Variants in PAK5 observed in about 807,000 individuals in gnomAD.
PAK5 encodes p21 (RAC1) activated kinase 5.
A neutral mutation model predicts 65.9 loss-of-function variants in PAK5; 16 were observed. The observed-to-expected ratio is 0.24, with a 90% CI of 0.16 to 0.37. The LOEUF is 0.37. PAK5 is among the 10% of genes least tolerant of loss of function. The pLI, the probability that PAK5 is intolerant of heterozygous loss-of-function variation, is 1.00. For synonymous variants in PAK5, 371 were observed against 354.9 expected, an observed-to-expected ratio of 1.05 and a Z score of -0.51; for missense variants, 785 against 903.9, an observed-to-expected ratio of 0.87 and a Z score of 1.69.
chr20:9,675,048 TA>T (rs1299728537), intron 2 of PAK5, among the ~76,000 whole-genome samples: 1 of 152,162 alleles, frequency 6.6e-6, no homozygotes, highest in Non-Finnish European at 1.5e-5. Flanking sequence ...CAATTCCTCC[TA>T]AATAGGAACT....
rs1183848292 is a variant in PAK5, at chr20:9,748,599, G to T, written c.-161-37164C>A. Among the ~76,000 whole-genome samples the T allele has an allele frequency of 3.2e-4, 48 of 152,016 alleles. 1 individual carries two copies. Among genetic ancestry groups the T allele is most frequent in the Non-Finnish European group, 3.2e-4 (22 of 67,996 alleles). ...AAATGTACTCTTCAAATTGACATAT[G>T]GCTTACTACAATATATACAACATAC... On this transcript the variant is annotated intron_variant, in intron 1 of 9. Transcript: ENST00000353224.
At chr20:9,679,608 C>T (rs1484952040) in intron 2 of PAK5, among the ~76,000 whole-genome samples, 1 of 152,024 alleles carries the variant, frequency 6.6e-6, no homozygotes, top group Non-Finnish European at 1.5e-5. Flanking sequence ...GGTTATTTTC[C>T]TGGGAACAAC....
rs145380335 is a variant in PAK5, at chr20:9,545,025, G to T, written c.1744-531C>A. Among the ~76,000 whole-genome samples the T allele has an allele frequency of 7.2e-5, 11 of 152,240 alleles. No homozygotes were observed. The East Asian group carries it at 1.7e-3, about 24-fold the overall frequency. ...CTTTGCTTATCCAGGATGTGGAAAT[G>T]TCACTTTTAGTACTGGATACCCTTC... On this transcript the variant is annotated intron_variant, in intron 7 of 9. Coordinates refer to ENST00000353224, the MANE Select transcript of PAK5 (RefSeq NM_177990.4).
At chr20:9,787,841 C>A (rs907668116) in intron 1 of PAK5, among the ~76,000 whole-genome samples, 3 of 151,950 alleles carry the variant, frequency 2.0e-5, no homozygotes, top group African/African-American at 7.3e-5. Context: ...TAGTAAAATG[C>A]AGTAAAATAA....
intron 1 of PAK5, among the ~76,000 whole-genome samples, chr20:9,824,914 C>T (rs986032900): frequency 1.3e-5 from 2 of 152,104 alleles, no homozygotes; most frequent in Non-Finnish European, 2.9e-5. Flanking sequence ...CTGAAGTAAG[C>T]AGAATAGTAC....
At chr20:9,823,826 A>G (rs767109577) in intron 1 of PAK5, among the ~76,000 whole-genome samples, 31 of 152,314 alleles carry the variant, frequency 2.0e-4, no homozygotes, top group Admixed American at 3.9e-4. Flanking sequence ...TGGGGGGGAA[A>G]TCCTAACTAA....
At position 9,727,825 on chromosome 20, in the gene PAK5, T is replaced by A. The variant is rs182487536; in HGVS notation, c.-161-16390A>T. 3.6e-3 allele frequency among the ~76,000 whole-genome samples: 548 copies of A among 152,314 alleles called. 5 individuals are homozygous for A. The highest frequency in any genetic ancestry group is 0.012 in the African/African-American group (515 of 41,552). On this transcript the variant is annotated intron_variant, in intron 1 of 9. Coordinates refer to ENST00000353224, the MANE Select transcript of PAK5 (RefSeq NM_177990.4). ...GGGCTCCTGCATGTTGGTTTCCGTG[T>A]CCTGTGTACATGTTCTTATTATTTT...
At chr20:9,638,902 G>A (rs146039559) in intron 3 of PAK5, among the ~76,000 whole-genome samples, 112 of 152,254 alleles carry the variant, frequency 7.4e-4, no homozygotes, top group African/African-American at 2.6e-3. Flanking sequence ...CAACATCAGG[G>A]GCGACACACT....
Position 9,566,253 on chromosome 20 carries a change from C to A in PAK5, c.1122G>T (p.Pro374=), listed in dbSNP as rs185081269. The A allele has an allele frequency of 6.2e-7, 1 of 1,613,550 alleles. No homozygotes were observed. The highest frequency in any genetic ancestry group is 1.3e-5 in the African/African-American group (1 of 74,842). Residue 374 remains proline, a synonymous_variant, in exon 5 of 10, where the codon CCG becomes CCT. Coordinates refer to ENST00000353224, the MANE Select transcript of PAK5 (RefSeq NM_177990.4). ...SGYSSSSHQY[P]SGYHKATLYH... The stretch of plus-strand genomic sequence containing the variant: ...ACAAGGTGGCTTTGTGGTACCCAGA[C>A]GGGTACTGGTGACTGCTTGAGGAAT...
In PAK5 at chr20:9,644,170, C is replaced by T; in HGVS notation, c.159G>A (p.Met53Ile). Reference protein sequence around the residue: ...LADTANRPKPMVDPSCITPIQ... With the variant: ...LADTANRPKPIVDPSCITPIQ... ...TGGGTGTGATGCATGAAGGGTCCACCATAGGCTTTGGCCTGTTGGCCGTAT... is the reference window on the plus strand; with the variant it reads ...TGGGTGTGATGCATGAAGGGTCCACTATAGGCTTTGGCCTGTTGGCCGTAT... The change falls in exon 3 of 10, where the codon ATG (methionine) becomes ATA (isoleucine). Residue 53 changes from methionine to isoleucine, a missense_variant. Physicochemically the swap from Met to Ile is conservative, Grantham distance 10. This residue lies in a region of PAK5 where 71 missense variants were observed against 110.2 expected (regional missense o/e 0.64). Coordinates refer to ENST00000353224, the MANE Select transcript of PAK5 (RefSeq NM_177990.4). The T allele has an allele frequency of 1.2e-6, 2 of 1,612,602 alleles. No individual in the cohort carries two copies. The highest frequency in any genetic ancestry group is 1.7e-6 in the Non-Finnish European group (2 of 1,179,618).
chr20:9,747,279 C>T (rs2048519524), intron 1 of PAK5, among the ~76,000 whole-genome samples: 1 of 152,134 alleles, frequency 6.6e-6, no homozygotes, highest in African/African-American at 2.4e-5. Flanking sequence ...GGTACCATTC[C>T]TTCTGAAACT....
chr20:9,710,915 C>A (rs75715997), intron 2 of PAK5, among the ~76,000 whole-genome samples: 3 of 152,118 alleles, frequency 2.0e-5, no homozygotes, highest in Non-Finnish European at 2.9e-5. Flanking sequence ...ATCTTCAAAC[C>A]CTACTTGGCT....
intron 1 of PAK5, among the ~76,000 whole-genome samples, chr20:9,775,289 G>A (rs1239141397): frequency 2.6e-5 from 4 of 152,090 alleles, no homozygotes; most frequent in Admixed American, 6.5e-5. Context: ...GAGCTGCGTC[G>A]GTAGACTCAC....
chr20:9,782,663 C>T (rs2048952972), intron 1 of PAK5, among the ~76,000 whole-genome samples: 2 of 152,086 alleles, frequency 1.3e-5, no homozygotes, highest in Admixed American at 1.3e-4. Context: ...TCATTAAACT[C>T]GTCTTTTCTG....
rs1401483061 is a variant in PAK5, at chr20:9,566,092, G to A, written c.1283C>T (p.Ser428Phe). ...SSSDQQPSRV[S>F]HEQFRAALQL... ...CAGGGCCGCCCGAAACTGTTCATGG[G>A]ACACCCTGGAGGGCTGCTGGTCGGA... Residue 428 changes from serine to phenylalanine, a missense_variant, in exon 5 of 10, where the codon TCC becomes TTC. Ser to Phe is a radical substitution (Grantham distance 155, BLOSUM62 -2). Coordinates refer to ENST00000353224, the MANE Select transcript of PAK5 (RefSeq NM_177990.4). 2 of 1,613,988 alleles carry A rather than the reference G, an allele frequency of 1.2e-6. No individual in the cohort carries two copies. Among genetic ancestry groups the A allele is most frequent in the Non-Finnish European group, 1.7e-6 (2 of 1,179,984 alleles).
At chr20:9,768,080 G>GA (rs2048789562) in intron 1 of PAK5, among the ~76,000 whole-genome samples, 1 of 152,088 alleles carries the variant, frequency 6.6e-6, no homozygotes, top group Non-Finnish European at 1.5e-5. Context: ...CACCAAAACT[G>GA]AAAACCTATG....
intron 1 of PAK5, among the ~76,000 whole-genome samples, chr20:9,828,774 A>AT (rs1320604664): frequency 6.6e-6 from 1 of 152,204 alleles, no homozygotes; most frequent in Non-Finnish European, 1.5e-5. Context: ...AATGAAGCTA[A>AT]TAACTGTTGT....
chr20:9,557,303 A>G (rs1197027798), intron 7 of PAK5, among the ~76,000 whole-genome samples: 2 of 152,206 alleles, frequency 1.3e-5, no homozygotes, highest in African/African-American at 2.4e-5. Flanking sequence ...TAGAAGAGTC[A>G]GCTCTTCTCC....
chr20:9,802,906 A>ATGTGTG lies in PAK5; in HGVS notation c.-162+35855_-162+35856insCACACA, dbSNP rs1193259748. On this transcript the variant is annotated intron_variant, in intron 1 of 9. Coordinates refer to ENST00000353224, the MANE Select transcript of PAK5 (RefSeq NM_177990.4). The stretch of plus-strand genomic sequence containing the variant: ...TTCCCTTCTGTACTATTGTATATGT[A>ATGTGTG]TGTGTATATATATATATATATATAT... Among the ~76,000 whole-genome samples the ATGTGTG allele has an allele frequency of 9.4e-4, 87 of 92,932 alleles. 1 individual carries two copies. Among genetic ancestry groups the ATGTGTG allele is most frequent in the African/African-American group, 1.4e-3 (32 of 23,564 alleles). The allele number at this position is 92,932 out of a possible 152,430, so 61.0% of individuals were successfully genotyped here. A position where few individuals can be genotyped will look rare whatever the true frequency, so the allele number is the denominator to read the frequency against.
Sources: allele counts gnomAD v4.1 joint callset (sites outside exome capture counted in the v4.1 genomes callset), GRCh38; gene constraint gnomAD v4.1.1; regional missense constraint gnomAD v4.1.1; transcripts MANE v1.5; gene names NCBI Gene and HGNC (gene_info 2026-07-23, HGNC 2026-07-21).